The following CRPPA variants were observed in gnomAD, a reference collection of about 807,000 sequenced individuals.
The protein encoded by CRPPA is D-ribitol-5-phosphate cytidylyltransferase.
Under a neutral mutation model 52.0 loss-of-function variants are expected in CRPPA, and 43 were observed. The ratio of observed to expected loss-of-function variants is 0.83; its 90% CI spans 0.65 to 1.07. CRPPA has a LOEUF of 1.07. Ranked by LOEUF, CRPPA falls within the 50% of genes least tolerant of loss-of-function variation. The pLI, the probability that CRPPA is intolerant of heterozygous loss-of-function variation, is 0.00. For synonymous variants in CRPPA, 250 were observed against 203.5 expected, an observed-to-expected ratio of 1.23 and a Z score of -1.94; for missense variants, 629 against 551.7, an observed-to-expected ratio of 1.14 and a Z score of -1.40.
intron 8 of CRPPA, among the ~76,000 whole-genome samples, chr7:16,241,850 C>G (rs536338207): frequency 6.6e-6 from 1 of 150,910 alleles, no homozygotes; most frequent in Non-Finnish European, 1.5e-5. Context: ...GGTAAAAAAA[C>G]AGCTCTCTGA....
chr7:16,222,210 C>T (rs575161361), intron 8 of CRPPA, among the ~76,000 whole-genome samples: 3 of 148,528 alleles, frequency 2.0e-5, no homozygotes, highest in Non-Finnish European at 4.5e-5. Context: ...AAAACCAAAC[C>T]GCATATTCTC....
chr7:16,196,438 T>C lies in CRPPA; in HGVS notation c.1251+19628A>G, dbSNP rs1215852153. ...CTGATTTTCATGAATACCTTTCATT[T>C]AGCAGCTTTACTAGGCTACTTATGT... is the stretch of plus-strand genomic sequence containing the variant. On this transcript the variant is annotated intron_variant, in intron 9 of 9. Coordinates refer to ENST00000407010, the MANE Select transcript of CRPPA (RefSeq NM_001101426.4). Among the ~76,000 whole-genome samples, 3 of 152,220 alleles carry C rather than the reference T, an allele frequency of 2.0e-5. No individual in the cohort carries two copies. In the East Asian group the frequency reaches 5.8e-4, roughly 29 times the overall value.
At chr7:16,178,593 C>T (rs1781350722) in intron 9 of CRPPA, among the ~76,000 whole-genome samples, 1 of 151,976 alleles carries the variant, frequency 6.6e-6, no homozygotes, top group Non-Finnish European at 1.5e-5. Context: ...CTGTATCTCT[C>T]TTAGACTGCT....
At chr7:16,409,444 G>C (rs758555270) in intron 1 of CRPPA, among the ~76,000 whole-genome samples, 1 of 152,192 alleles carries the variant, frequency 6.6e-6, no homozygotes, top group African/African-American at 2.4e-5. Flanking sequence ...TCAGCAAAGA[G>C]AGAAAGGATG....
At chr7:16,234,978 A>G (rs185464164) in intron 8 of CRPPA, among the ~76,000 whole-genome samples, 53 of 152,234 alleles carry the variant, frequency 3.5e-4, no homozygotes, top group African/African-American at 1.2e-3. Context: ...TAGTATTTCC[A>G]GAGGGCAAAC....
chr7:16,390,236 T>C (rs1461896156), intron 2 of CRPPA, among the ~76,000 whole-genome samples: 1 of 152,052 alleles, frequency 6.6e-6, no homozygotes, highest in Non-Finnish European at 1.5e-5. Flanking sequence ...CTTATTAATA[T>C]ACAAGTATGC....
At chr7:16,352,023 T>C (rs1418566797) in intron 3 of CRPPA, among the ~76,000 whole-genome samples, 4 of 152,034 alleles carry the variant, frequency 2.6e-5, no homozygotes, top group African/African-American at 4.8e-5. Flanking sequence ...CAAATGCCCA[T>C]CAATGATAGA....
chr7:16,378,580 T>C (rs1172181062), intron 2 of CRPPA, among the ~76,000 whole-genome samples: 1 of 152,126 alleles, frequency 6.6e-6, no homozygotes, highest in Non-Finnish European at 1.5e-5. Flanking sequence ...TATGTGTGCA[T>C]GTGTCTTTAG....
At position 16,303,477 on chromosome 7, in the gene CRPPA, TAAAA is replaced by T. The variant is rs545663821; in HGVS notation, c.790-2015_790-2012del. Among the ~76,000 whole-genome samples the T allele has an allele frequency of 2.3e-3, 103 of 44,972 alleles. 1 individual carries two copies. The East Asian group carries it at 0.037, about 16-fold the overall frequency. The allele number at this position is 44,972 out of a possible 152,430, so 29.5% of individuals were successfully genotyped here. ...GTTTCTGTGTTGAGACATAAAATAG[TAAAA>T]AAAAAAAAAAAAAAAAAAAAAACTT... On this transcript the variant is annotated intron_variant, in intron 4 of 9. Transcript: ENST00000407010.
chr7:16,242,157 T>C (rs2128406802), intron 8 of CRPPA, among the ~76,000 whole-genome samples: 1 of 152,028 alleles, frequency 6.6e-6, no homozygotes, highest in Non-Finnish European at 1.5e-5. Flanking sequence ...GATTTTACCA[T>C]GTTAGCCAAG....
At chr7:16,166,015 A>G (rs1160005889) in intron 9 of CRPPA, among the ~76,000 whole-genome samples, 1 of 152,244 alleles carries the variant, frequency 6.6e-6, no homozygotes, top group African/African-American at 2.4e-5. Context: ...TCCTCTGATC[A>G]CATTCTGTCT....
chr7:16,298,072 T>C (rs1406994593), intron 5 of CRPPA, among the ~76,000 whole-genome samples: 1 of 152,210 alleles, frequency 6.6e-6, no homozygotes, highest in African/African-American at 2.4e-5. Context: ...AAGAGTTCTC[T>C]CTTTCCTATG....
In CRPPA at chr7:16,325,937, A is replaced by G. The variant is rs540146767; in HGVS notation, c.685-17310T>C. On this transcript the variant is annotated intron_variant, in intron 3 of 9. Coordinates refer to ENST00000407010, the MANE Select transcript of CRPPA (RefSeq NM_001101426.4). ...AAATTGGCAACACAATAAAGGGATAAGCTATCCAAGAACTACTGTTAAAAA... is the reference window on the plus strand; with the variant it reads ...AAATTGGCAACACAATAAAGGGATAGGCTATCCAAGAACTACTGTTAAAAA... Among the ~76,000 whole-genome samples the G allele has an allele frequency of 6.4e-4, 98 of 152,246 alleles. No homozygotes were observed. The South Asian group carries it at 0.018, about 29-fold the overall frequency.
intron 2 of CRPPA, among the ~76,000 whole-genome samples, chr7:16,382,063 G>A (rs1468427339): frequency 6.6e-6 from 1 of 151,960 alleles, no homozygotes; most frequent in East Asian, 1.9e-4. Context: ...TTGCTCGTTA[G>A]TTGATGCAGT....
chr7:16,301,500 G>C, intron 4 of CRPPA, 34 bp from the exon 5 acceptor site: 1 of 1,528,512 alleles, frequency 6.5e-7, no homozygotes, highest in East Asian at 2.3e-5. Context: ...AGACTTAACA[G>C]AGCAGGAAGG....
At chr7:16,384,843 A>G (rs1787211388) in intron 2 of CRPPA, among the ~76,000 whole-genome samples, 1 of 152,222 alleles carries the variant, frequency 6.6e-6, no homozygotes, top group Admixed American at 6.5e-5. Flanking sequence ...GGAACTGCCT[A>G]TGAGAAGGCC....
intron 8 of CRPPA, among the ~76,000 whole-genome samples, chr7:16,241,397 C>G (rs972313378): frequency 3.9e-5 from 6 of 151,930 alleles, no homozygotes; most frequent in African/African-American, 1.5e-4. Context: ...ATTTTTAACT[C>G]TCATAAAACA....
At chr7:16,285,500 C>T (rs190039561) in intron 5 of CRPPA, among the ~76,000 whole-genome samples, 1 of 152,190 alleles carries the variant, frequency 6.6e-6, no homozygotes, top group African/African-American at 2.4e-5. Context: ...ATAATTTCAA[C>T]ATATACTCTG....
At chr7:16,387,174 A>G (rs1787310601) in intron 2 of CRPPA, among the ~76,000 whole-genome samples, 1 of 149,240 alleles carries the variant, frequency 6.7e-6, no homozygotes, top group African/African-American at 2.4e-5. Context: ...AATAATTATT[A>G]GGTTGGTACA....
Sources: gnomAD v4.1 joint callset for allele counts (sites outside exome capture counted in the v4.1 genomes callset) on GRCh38, gnomAD v4.1.1 for gene constraint, MANE v1.5 for transcripts, NCBI Gene and HGNC (gene_info 2026-07-23, HGNC 2026-07-21) for gene names.